INPP4B: variants seen among roughly 807,000 people sequenced by gnomAD.
INPP4B encodes the protein inositol polyphosphate-4-phosphatase type II B.
A neutral mutation model predicts 122.5 loss-of-function variants in INPP4B; 55 were observed. The ratio of observed to expected loss-of-function variants is 0.45; its 90% CI spans 0.36 to 0.56. The LOEUF is 0.56. Among genes scored for constraint, INPP4B ranks in the 20% least tolerant of loss-of-function variants. INPP4B has a pLI of 0.00. For missense variants in INPP4B, 1,000 were observed against 1,097.7 expected (o/e 0.91, Z 1.26); for synonymous variants, 403 against 388.7 (o/e 1.04, Z -0.43).
Position 142,079,510 on chromosome 4 carries a change from A to C in INPP4B, c.2642+2521T>G, listed in dbSNP as rs1291891706. 3.3e-5 allele frequency among the ~76,000 whole-genome samples: 5 copies of C among 152,070 alleles called. No individual in the cohort carries two copies. The East Asian group carries it at 9.6e-4, about 29-fold the overall frequency. On this transcript the variant is annotated intron_variant, in intron 25 of 25. Transcript: ENST00000262992. ...GGGACCCCAGTAATCAATCAGCATT[A>C]AGCAGTAACTTGAGAAATGTTTATT... is the stretch of plus-strand genomic sequence containing the variant.
chr4:142,481,340 G>GA (rs894635463), intron 2 of INPP4B, among the ~76,000 whole-genome samples: 7 of 151,734 alleles, frequency 4.6e-5, no homozygotes, highest in East Asian at 1.9e-4. Flanking sequence ...AAGGAAAACA[G>GA]AAAAAATCAC....
At chr4:142,446,062 A>G (rs1812852018) in intron 3 of INPP4B, among the ~76,000 whole-genome samples, 1 of 152,056 alleles carries the variant, frequency 6.6e-6, no homozygotes. Context: ...TCAGAAAAGA[A>G]GGTCTCAAAT....
At chr4:142,551,597 T>G (rs1182937981) in intron 2 of INPP4B, among the ~76,000 whole-genome samples, 1 of 152,172 alleles carries the variant, frequency 6.6e-6, no homozygotes, top group Non-Finnish European at 1.5e-5. Flanking sequence ...TACACAAAGG[T>G]CTCGTGTGAG....
intron 10 of INPP4B, among the ~76,000 whole-genome samples, chr4:142,260,838 T>C (rs1739599418): frequency 6.6e-6 from 1 of 152,188 alleles, no homozygotes; most frequent in African/African-American, 2.4e-5. Context: ...CCCAACATGC[T>C]AGAGATATGT....
At chr4:142,706,666 C>T (rs1417391878) in intron 2 of INPP4B, among the ~76,000 whole-genome samples, 2 of 152,220 alleles carry the variant, frequency 1.3e-5, no homozygotes, top group African/African-American at 4.8e-5. Context: ...AAAAATAAAT[C>T]CCATTGGCTG....
intron 9 of INPP4B, among the ~76,000 whole-genome samples, chr4:142,271,884 A>C (rs1025661130): frequency 6.6e-5 from 10 of 152,198 alleles, no homozygotes; most frequent in African/African-American, 2.2e-4. Context: ...TACGAGCCAC[A>C]CTTTAAGATT....
At chr4:142,613,525 A>G (rs376144498) in intron 2 of INPP4B, among the ~76,000 whole-genome samples, 12 of 152,320 alleles carry the variant, frequency 7.9e-5, no homozygotes, top group African/African-American at 2.6e-4. Context: ...CTCAGTGTGT[A>G]GCTATGGCTA....
intron 22 of INPP4B, among the ~76,000 whole-genome samples, chr4:142,109,911 TTCAGTATCTATAC>T (rs1789146401): frequency 6.6e-6 from 1 of 152,128 alleles, no homozygotes; most frequent in African/African-American, 2.4e-5. Context: ...AAACTCAGTG[TTCAGTATCTATAC>T]TGAGTTGAAC....
chr4:142,719,590 C>A (rs1232266952), intron 2 of INPP4B, among the ~76,000 whole-genome samples: 1 of 151,914 alleles, frequency 6.6e-6, no homozygotes, highest in Non-Finnish European at 1.5e-5. Context: ...TCCCAAAGTG[C>A]TGGGATTACA....
intron 14 of INPP4B, among the ~76,000 whole-genome samples, chr4:142,198,490 C>T (rs1269880935): frequency 1.3e-5 from 2 of 151,396 alleles, no homozygotes; most frequent in Admixed American, 6.6e-5. Context: ...TTTTCTTAAG[C>T]TTTTCTTTTC....
intron 2 of INPP4B, among the ~76,000 whole-genome samples, chr4:142,607,650 T>C (rs1211566325): frequency 6.6e-6 from 1 of 152,178 alleles, no homozygotes; most frequent in Non-Finnish European, 1.5e-5. Flanking sequence ...AATATATTAA[T>C]GCTCTGTGTA....
chr4:142,044,696 C>T (rs1384508669), intron 25 of INPP4B, among the ~76,000 whole-genome samples: 1 of 151,972 alleles, frequency 6.6e-6, no homozygotes, highest in Admixed American at 6.6e-5. Flanking sequence ...TGCTTGGAGG[C>T]ACAGAGAAAG....
At chr4:142,087,024 G>A (rs1445543805) in intron 23 of INPP4B, among the ~76,000 whole-genome samples, 1 of 152,182 alleles carries the variant, frequency 6.6e-6, no homozygotes. Flanking sequence ...TATACAGCAA[G>A]TGTCCTTGAA....
chr4:142,701,409 G>A (rs1485094457), intron 2 of INPP4B, among the ~76,000 whole-genome samples: 3 of 151,570 alleles, frequency 2.0e-5, no homozygotes, highest in African/African-American at 7.3e-5. Context: ...ATCCAATCAG[G>A]TCAAGGGCAG....
intron 2 of INPP4B, among the ~76,000 whole-genome samples, chr4:142,529,466 G>C (rs1827327740): frequency 6.6e-6 from 1 of 151,718 alleles, no homozygotes; most frequent in Non-Finnish European, 1.5e-5. Context: ...AGATACCTAG[G>C]GGCATGTATC....
chr4:142,673,356 T>G (rs546499866), intron 2 of INPP4B, among the ~76,000 whole-genome samples: 1 of 152,014 alleles, frequency 6.6e-6, no homozygotes, highest in African/African-American at 2.4e-5. Context: ...AGTCCTATTA[T>G]ATATTAGCCT....
intron 8 of INPP4B, among the ~76,000 whole-genome samples, chr4:142,311,758 A>G (rs1209582074): frequency 6.6e-6 from 1 of 152,320 alleles, no homozygotes; most frequent in East Asian, 1.9e-4. Context: ...GTGACAGTAT[A>G]CAAAATGAAA....
chr4:142,447,292 A>T (rs963550726), intron 3 of INPP4B, among the ~76,000 whole-genome samples: 2 of 152,224 alleles, frequency 1.3e-5, no homozygotes, highest in African/African-American at 4.8e-5. Flanking sequence ...GAAGAAGGAC[A>T]GTATAGTGGA....
chr4:142,033,777 A>G (rs966426140), intron 25 of INPP4B, among the ~76,000 whole-genome samples: 1 of 147,770 alleles, frequency 6.8e-6, no homozygotes, highest in African/African-American at 2.5e-5. Context: ...TGAGCCTCCC[A>G]TCTCAGCCTC....
Sources: allele counts gnomAD v4.1 joint callset (sites outside exome capture counted in the v4.1 genomes callset), GRCh38; gene constraint gnomAD v4.1.1; transcripts MANE v1.5; gene names NCBI Gene and HGNC (gene_info 2026-07-23, HGNC 2026-07-21).